The following RBFOX1 variants were observed in gnomAD, a reference collection of about 807,000 sequenced individuals.
RBFOX1 encodes the protein RNA binding protein fox-1 homolog 1.
A neutral mutation model predicts 57.7 loss-of-function variants in RBFOX1; 8 were observed. The observed-to-expected ratio is 0.14, with a 90% CI of 0.08 to 0.25. The LOEUF is 0.25. Ranked by LOEUF, RBFOX1 falls within the 10% of genes least tolerant of loss-of-function variation. RBFOX1 has a pLI of 1.00. For missense variants in RBFOX1, 611 were observed against 548.5 expected (o/e 1.11, Z -1.14); for synonymous variants, 326 against 222.4 (o/e 1.47, Z -4.15).
At chr16:7,177,700 A>C (rs146453250) in intron 4 of RBFOX1, among the ~76,000 whole-genome samples, 13 of 152,284 alleles carry the variant, frequency 8.5e-5, no homozygotes, top group African/African-American at 2.6e-4. Flanking sequence ...GGGGTCAGCA[A>C]ATCTCTTCTG....
At position 6,070,244 on chromosome 16, in the gene RBFOX1, G is replaced by C. The variant is rs192766795; in HGVS notation, c.-127+50252G>C. ...ATTTTGAGTAAATATTCTGTATGTGGCTCCCCCAAAGTATCTAAATTCATC... is the reference window on the plus strand; with the variant it reads ...ATTTTGAGTAAATATTCTGTATGTGCCTCCCCCAAAGTATCTAAATTCATC... On this transcript the variant is annotated intron_variant, in intron 1 of 15. Transcript: ENST00000550418. Among the ~76,000 whole-genome samples, 23 of 152,228 alleles carry C rather than the reference G, an allele frequency of 1.5e-4. No homozygotes were observed. In the East Asian group the frequency reaches 3.5e-3, roughly 23 times the overall value.
chr16:6,038,933 G>C lies in RBFOX1; in HGVS notation c.-127+18941G>C, dbSNP rs367786559. On this transcript the variant is annotated intron_variant, in intron 1 of 15. Transcript: ENST00000550418. ...AGCATCCTGGATTTTCTGTGCATCA[G>C]TGTCTATGTGTGGATTAGCACTGAC... The C allele has an allele frequency of 5.8e-5, 8 of 138,000 alleles. No homozygotes were observed. In the East Asian group the frequency reaches 1.8e-3, roughly 31 times the overall value. 8.5% of individuals were successfully genotyped at this position (138,000 alleles called of 1,614,324 possible). A position where few individuals can be genotyped will look rare whatever the true frequency, so the allele number is the denominator to read the frequency against.
chr16:7,342,336 A>G (rs558314260), intron 4 of RBFOX1, among the ~76,000 whole-genome samples: 1 of 152,214 alleles, frequency 6.6e-6, no homozygotes, highest in East Asian at 1.9e-4. Context: ...CTTCCCACTC[A>G]GACGCATCTG....
chr16:5,554,652 C>G (rs1380968021), intron 2 of RBFOX1, among the ~76,000 whole-genome samples: 14 of 152,110 alleles, frequency 9.2e-5, no homozygotes, highest in Admixed American at 6.6e-5. Context: ...TGCACTTACA[C>G]AAATTTAAGA....
At chr16:7,376,489 A>G (rs563482246) in intron 4 of RBFOX1, among the ~76,000 whole-genome samples, 1 of 152,310 alleles carries the variant, frequency 6.6e-6, no homozygotes, top group South Asian at 2.1e-4. Context: ...AAAGATTAGA[A>G]GTTGGTGAGT....
intron 3 of RBFOX1, among the ~76,000 whole-genome samples, chr16:6,847,530 C>G (rs2093822040): frequency 6.6e-6 from 1 of 152,126 alleles, no homozygotes; most frequent in Non-Finnish European, 1.5e-5. Context: ...TGATACGCAA[C>G]TGATGGCACA....
At chr16:5,440,764 A>C (rs554980697) in intron 1 of RBFOX1, among the ~76,000 whole-genome samples, 2 of 152,312 alleles carry the variant, frequency 1.3e-5, no homozygotes, top group Non-Finnish European at 2.9e-5. Flanking sequence ...GATAAATTCA[A>C]GGGTAGTTAT....
chr16:7,171,558 C>T (rs773609468), intron 4 of RBFOX1, among the ~76,000 whole-genome samples: 4 of 152,060 alleles, frequency 2.6e-5, no homozygotes, highest in South Asian at 2.1e-4. Context: ...GCCAAGAGGC[C>T]GCCTCAGTGT....
intron 3 of RBFOX1, among the ~76,000 whole-genome samples, chr16:5,620,059 G>T (rs551067857): frequency 6.6e-6 from 1 of 151,906 alleles, no homozygotes; most frequent in African/African-American, 2.4e-5. Flanking sequence ...CTTCTGGGTT[G>T]GCGCCTACTG....
intron 2 of RBFOX1, among the ~76,000 whole-genome samples, chr16:5,485,368 A>AAAAAAAAAAAAT (rs1567150376): frequency 1.3e-5 from 2 of 148,644 alleles, no homozygotes; most frequent in Non-Finnish European, 3.0e-5. Flanking sequence ...AAAAAAAAAA[A>AAAAAAAAAAAAT]GTGAATAAGT....
intron 4 of RBFOX1, among the ~76,000 whole-genome samples, chr16:5,939,204 C>A (rs552765708): frequency 6.6e-6 from 1 of 152,118 alleles, no homozygotes; most frequent in East Asian, 1.9e-4. Flanking sequence ...CAAACCTGCC[C>A]ATTGTGCACA....
chr16:6,805,814 C>A (rs901726039), intron 3 of RBFOX1, among the ~76,000 whole-genome samples: 1 of 152,138 alleles, frequency 6.6e-6, no homozygotes, highest in African/African-American at 2.4e-5. Flanking sequence ...TCTTCGCTGC[C>A]CTGTTGTCCT....
chr16:6,624,716 AAAG>A (rs1427051874), intron 2 of RBFOX1, among the ~76,000 whole-genome samples: 3 of 152,182 alleles, frequency 2.0e-5, no homozygotes, highest in Non-Finnish European at 2.9e-5. Flanking sequence ...TAAAACAAAG[AAAG>A]AAGAAGAAAA....
chr16:7,163,511 G>C (rs868263811), intron 4 of RBFOX1, among the ~76,000 whole-genome samples: 21 of 151,830 alleles, frequency 1.4e-4, no homozygotes, highest in Non-Finnish European at 2.5e-4. Flanking sequence ...TTCTGTTCCC[G>C]TTAGCACTCC....
At chr16:6,993,826 A>G (rs983440922) in intron 3 of RBFOX1, among the ~76,000 whole-genome samples, 2 of 152,182 alleles carry the variant, frequency 1.3e-5, no homozygotes, top group Admixed American at 6.5e-5. Flanking sequence ...GTATGCTTGC[A>G]TGAACACTCC....
chr16:7,314,448 T>A (rs547804326), intron 4 of RBFOX1, among the ~76,000 whole-genome samples: 2 of 152,272 alleles, frequency 1.3e-5, no homozygotes, highest in East Asian at 3.9e-4. Flanking sequence ...TCTGAGATGG[T>A]GTGCGCCTGT....
At chr16:6,455,644 G>T (rs545521690) in intron 2 of RBFOX1, among the ~76,000 whole-genome samples, 2 of 152,258 alleles carry the variant, frequency 1.3e-5, no homozygotes, top group South Asian at 4.1e-4. Context: ...ATATAGACAG[G>T]TACCTCATAT....
intron 2 of RBFOX1, 24 bp downstream of exon 2, chr16:6,317,081 T>C: frequency 1.3e-6 from 2 of 1,520,118 alleles, no homozygotes; most frequent in Middle Eastern, 1.7e-4. Flanking sequence ...ATTTTGAACA[T>C]TCATTCCATA....
intron 1 of RBFOX1, among the ~76,000 whole-genome samples, chr16:6,210,377 A>AAAAAAG (rs1555552426): frequency 7.8e-6 from 1 of 128,442 alleles, no homozygotes; most frequent in African/African-American, 2.6e-5. Flanking sequence ...AAAAAAAAAA[A>AAAAAAG]AGAGAAAGGA....
Sources: gnomAD v4.1 joint callset for allele counts (sites outside exome capture counted in the v4.1 genomes callset) on GRCh38, gnomAD v4.1.1 for gene constraint, MANE v1.5 for transcripts, NCBI Gene and HGNC (gene_info 2026-07-23, HGNC 2026-07-21) for gene names.